DOK6: variants seen among roughly 807,000 people sequenced by gnomAD.
The protein encoded by DOK6 is docking protein 6.
A neutral mutation model predicts 44.0 loss-of-function variants in DOK6; 22 were observed. The ratio of observed to expected loss-of-function variants is 0.50; its 90% CI spans 0.36 to 0.71. DOK6 has a LOEUF of 0.71. Ranked by LOEUF, DOK6 falls within the 30% of genes least tolerant of loss-of-function variation. The pLI is 0.00. For synonymous variants in DOK6, 166 were observed against 145.5 expected (o/e 1.14, Z -1.01); for missense variants, 340 against 416.4 (o/e 0.82, Z 1.60).
At chr18:69,831,554 G>A (rs1981902581) in intron 7 of DOK6, among the ~76,000 whole-genome samples, 1 of 152,264 alleles carries the variant, frequency 6.6e-6, no homozygotes, top group South Asian at 2.1e-4. Flanking sequence ...CATGCTCAAT[G>A]AACAGTGGTT....
chr18:69,843,170 GC>G lies in DOK6; in HGVS notation c.*1788del, dbSNP rs1236249292. On this transcript the variant is annotated 3_prime_UTR_variant, in exon 8 of 8. Transcript: ENST00000382713. Reference sequence around the variant, plus strand: ...ACTAATCGTAAGAGTTAATGTGGCTGCAAAAAATAATTATCCTAAGCTTTCA... The same window carrying G: ...ACTAATCGTAAGAGTTAATGTGGCTGAAAAAATAATTATCCTAAGCTTTCA... 6.6e-6 allele frequency: 1 copy of G among 152,150 alleles called. No homozygotes were observed. The highest frequency in any genetic ancestry group is 1.9e-4 in the East Asian group (1 of 5,196). The allele number at this position is 152,150 out of a possible 1,614,324, so 9.4% of individuals were successfully genotyped here.
At chr18:69,658,203 C>CT in intron 3 of DOK6, among the ~76,000 whole-genome samples, 1 of 152,258 alleles carries the variant, frequency 6.6e-6, no homozygotes, top group Non-Finnish European at 1.5e-5. Flanking sequence ...CCTCCCACCC[C>CT]TGACTCTCAG....
At chr18:69,805,786 G>A (rs1347923746) in intron 7 of DOK6, among the ~76,000 whole-genome samples, 1 of 152,100 alleles carries the variant, frequency 6.6e-6, no homozygotes, top group African/African-American at 2.4e-5. Context: ...AATACTGGCT[G>A]AAAGTTTATA....
At chr18:69,803,715 C>T (rs1406107135) in intron 7 of DOK6, among the ~76,000 whole-genome samples, 6 of 152,010 alleles carry the variant, frequency 3.9e-5, no homozygotes, top group Non-Finnish European at 7.4e-5. Context: ...ACAAAAAAGC[C>T]GAGTGTGGTG....
chr18:69,651,095 C>G (rs1197488618), intron 3 of DOK6, among the ~76,000 whole-genome samples: 7 of 152,072 alleles, frequency 4.6e-5, no homozygotes, highest in Admixed American at 4.6e-4. Context: ...CTCCCACTTC[C>G]CAGAGGAAAT....
intron 1 of DOK6, among the ~76,000 whole-genome samples, chr18:69,424,896 T>G (rs572628449): frequency 2.6e-5 from 4 of 152,268 alleles, no homozygotes; most frequent in Non-Finnish European, 2.9e-5. Context: ...ATCTTCAATA[T>G]TGTGCTGGAT....
intron 1 of DOK6, among the ~76,000 whole-genome samples, chr18:69,482,855 G>A (rs909981115): frequency 6.6e-6 from 1 of 151,914 alleles, no homozygotes; most frequent in African/African-American, 2.4e-5. Flanking sequence ...TTTACTAAAT[G>A]CTGTTCTTTT....
chr18:69,835,515 C>A (rs1205364608), intron 7 of DOK6, among the ~76,000 whole-genome samples: 3 of 151,856 alleles, frequency 2.0e-5, no homozygotes, highest in Non-Finnish European at 4.4e-5. Context: ...GCCCCCAATT[C>A]ATTGCAGTAA....
At chr18:69,463,645 G>GTGTT (rs1209969231) in intron 1 of DOK6, among the ~76,000 whole-genome samples, 4 of 151,534 alleles carry the variant, frequency 2.6e-5, no homozygotes, top group Admixed American at 1.3e-4. Context: ...CCTTTGTTGT[G>GTGTT]TGTGTATGTG....
intron 1 of DOK6, among the ~76,000 whole-genome samples, chr18:69,548,909 T>C (rs35394671): frequency 0.37 from 56,184 of 150,542 alleles, 12,911 homozygotes; most frequent in African/African-American, 0.6. Context: ...CTGGCTAACA[T>C]GGTGAAACCC....
At chr18:69,509,037 A>G (rs554097912) in intron 1 of DOK6, among the ~76,000 whole-genome samples, 1 of 152,206 alleles carries the variant, frequency 6.6e-6, no homozygotes, top group Non-Finnish European at 1.5e-5. Context: ...ACATTTGTGT[A>G]GCTAATATTA....
At chr18:69,564,051 T>A (rs879505120) in intron 1 of DOK6, among the ~76,000 whole-genome samples, 20 of 152,302 alleles carry the variant, frequency 1.3e-4, no homozygotes, top group African/African-American at 4.8e-4. Context: ...GAACATCTGT[T>A]TTTAAAAATC....
chr18:69,757,696 GAGC>G (rs1175886974), intron 6 of DOK6, 57 bp from the exon 7 acceptor site: 11 of 1,365,702 alleles, frequency 8.1e-6, no homozygotes, highest in South Asian at 4.7e-5. Flanking sequence ...ATATTTAGAA[GAGC>G]AGATTTCAGT....
At chr18:69,718,247 A>G (rs1238210719) in intron 5 of DOK6, among the ~76,000 whole-genome samples, 4 of 152,182 alleles carry the variant, frequency 2.6e-5, no homozygotes, top group Non-Finnish European at 4.4e-5. Flanking sequence ...AGACCCATTC[A>G]GGAACCTCCC....
intron 5 of DOK6, among the ~76,000 whole-genome samples, chr18:69,703,712 A>T (rs554759105): frequency 1.3e-5 from 2 of 152,312 alleles, no homozygotes; most frequent in South Asian, 4.1e-4. Context: ...CCTCATTGCC[A>T]TGCATAGCAG....
chr18:69,822,441 A>G (rs917948000), intron 7 of DOK6, among the ~76,000 whole-genome samples: 6 of 147,034 alleles, frequency 4.1e-5, no homozygotes, highest in African/African-American at 1.2e-4. Flanking sequence ...TTGAATCCCA[A>G]TTCCCAAAAG....
At chr18:69,834,136 T>C (rs764883763) in intron 7 of DOK6, among the ~76,000 whole-genome samples, 1 of 152,166 alleles carries the variant, frequency 6.6e-6, no homozygotes, top group Non-Finnish European at 1.5e-5. Context: ...CCTATGTCCA[T>C]AAACAGATGA....
intron 1 of DOK6, among the ~76,000 whole-genome samples, chr18:69,507,357 A>G (rs571575921): frequency 1.3e-5 from 2 of 152,212 alleles, no homozygotes; most frequent in Non-Finnish European, 2.9e-5. Context: ...AAGTCTTAAT[A>G]TCTAGTAGTC....
chr18:69,504,876 A>C (rs148044283), intron 1 of DOK6, among the ~76,000 whole-genome samples: 301 of 152,312 alleles, frequency 2.0e-3, no homozygotes, highest in African/African-American at 6.7e-3. Context: ...TTACAGGAAA[A>C]ATGTTGAAGA....
Sources: gnomAD v4.1 joint callset for allele counts (sites outside exome capture counted in the v4.1 genomes callset) on GRCh38, gnomAD v4.1.1 for gene constraint, MANE v1.5 for transcripts, NCBI Gene and HGNC (gene_info 2026-07-23, HGNC 2026-07-21) for gene names.